The following CRIM1 variants were observed in gnomAD, a reference collection of about 807,000 sequenced individuals.
The protein encoded by CRIM1 is cysteine rich transmembrane BMP regulator 1, also known as cysteine-rich motor neuron 1 protein.
In CRIM1, 32 loss-of-function variants were observed where a neutral mutation model predicts 116.4. The observed-to-expected ratio is 0.27, with a 90% CI of 0.21 to 0.37. CRIM1 has a LOEUF of 0.37. Ranked by LOEUF, CRIM1 falls within the 10% of genes least tolerant of loss-of-function variation. The probability of loss-of-function intolerance (pLI) is 1.00; values close to 1 mark genes in which losing one functional copy is unlikely to be tolerated. For missense variants in CRIM1, 1,331 were observed against 1,354.8 expected (o/e 0.98, Z 0.28); for synonymous variants, 590 against 509.2 (o/e 1.16, Z -2.13).
chr2:36,480,791 C>G (rs1572838726), intron 7 of CRIM1, among the ~76,000 whole-genome samples: 1 of 152,148 alleles, frequency 6.6e-6, no homozygotes, highest in Non-Finnish European at 1.5e-5. Flanking sequence ...AGCTGCCACA[C>G]TCCAGAACTT....
intron 7 of CRIM1, among the ~76,000 whole-genome samples, chr2:36,487,027 T>G (rs1679872501): frequency 6.6e-6 from 1 of 152,240 alleles, no homozygotes; most frequent in South Asian, 2.1e-4. Flanking sequence ...CAACCATTGA[T>G]AAATAGCAGA....
At chr2:36,391,350 G>A (rs1309701629) in intron 1 of CRIM1, among the ~76,000 whole-genome samples, 3 of 151,058 alleles carry the variant, frequency 2.0e-5, no homozygotes, top group Non-Finnish European at 4.4e-5. Context: ...GGATGGTCTC[G>A]ATCTCCTGAC....
At chr2:36,536,957 C>T (rs1666595218) in intron 13 of CRIM1, among the ~76,000 whole-genome samples, 1 of 152,068 alleles carries the variant, frequency 6.6e-6, no homozygotes, top group Non-Finnish European at 1.5e-5. Flanking sequence ...CTGCTAGTTC[C>T]TTGTGATGTT....
intron 7 of CRIM1, among the ~76,000 whole-genome samples, chr2:36,496,406 A>C (rs990906954): frequency 6.6e-6 from 1 of 152,146 alleles, no homozygotes. Context: ...TTAAATATTG[A>C]GGGTATAAAA....
rs1045045932 is a variant in CRIM1, at chr2:36,543,794, A to G, written c.2624-582A>G. Among the ~76,000 whole-genome samples, 70 of 152,102 alleles carry G rather than the reference A, an allele frequency of 4.6e-4. 1 individual carries two copies. Among genetic ancestry groups the G allele is most frequent in the Admixed American group, 7.9e-4 (12 of 15,270 alleles). Reference sequence around the variant, plus strand: ...TCTGATCAAACTGGATAATGTAAATATATTTACTGAAGATCAGCTTCTAAT... The same window carrying G: ...TCTGATCAAACTGGATAATGTAAATGTATTTACTGAAGATCAGCTTCTAAT... On this transcript the variant is annotated intron_variant, in intron 14 of 16. Coordinates refer to ENST00000280527, the MANE Select transcript of CRIM1 (RefSeq NM_016441.3).
At chr2:36,495,043 C>G (rs1680483656) in intron 7 of CRIM1, among the ~76,000 whole-genome samples, 1 of 152,070 alleles carries the variant, frequency 6.6e-6, no homozygotes, top group South Asian at 2.1e-4. Flanking sequence ...ACATTTCTAC[C>G]AAGCTAGTTT....
At chr2:36,389,357 A>G (rs1473869255) in intron 1 of CRIM1, among the ~76,000 whole-genome samples, 1 of 152,156 alleles carries the variant, frequency 6.6e-6, no homozygotes, top group African/African-American at 2.4e-5. Context: ...AAGAGCAGCG[A>G]TTTTACATTA....
chr2:36,468,276 T>TA (rs768095752), intron 5 of CRIM1, among the ~76,000 whole-genome samples: 13 of 152,238 alleles, frequency 8.5e-5, no homozygotes, highest in Non-Finnish European at 1.6e-4. Context: ...AGTGAAAACA[T>TA]ACAATTTTAA....
At chr2:36,485,824 A>G (rs1224706962) in intron 7 of CRIM1, among the ~76,000 whole-genome samples, 1 of 152,248 alleles carries the variant, frequency 6.6e-6, no homozygotes, top group Non-Finnish European at 1.5e-5. Context: ...TAGTAAGCCA[A>G]GAATAATAAA....
intron 5 of CRIM1, among the ~76,000 whole-genome samples, chr2:36,473,835 CT>C (rs1471722935): frequency 6.6e-6 from 1 of 152,042 alleles, no homozygotes; most frequent in African/African-American, 2.4e-5. Flanking sequence ...GTTTATAGTG[CT>C]TTTTTGTGGG....
At chr2:36,488,515 CT>C (rs1257003311) in intron 7 of CRIM1, among the ~76,000 whole-genome samples, 1 of 152,206 alleles carries the variant, frequency 6.6e-6, no homozygotes, top group Admixed American at 6.5e-5. Flanking sequence ...ATTTGATGTG[CT>C]TTGAGCAATA....
At chr2:36,373,182 G>A (rs1670059085) in intron 1 of CRIM1, among the ~76,000 whole-genome samples, 1 of 152,168 alleles carries the variant, frequency 6.6e-6, no homozygotes, top group African/African-American at 2.4e-5. Context: ...AATCGAGGGT[G>A]TGGGTAAAGG....
At chr2:36,385,858 T>C (rs1412789636) in intron 1 of CRIM1, among the ~76,000 whole-genome samples, 3 of 152,190 alleles carry the variant, frequency 2.0e-5, no homozygotes, top group Admixed American at 6.5e-5. Context: ...GGAGAGTGCT[T>C]ATTCCAGTGT....
intron 1 of CRIM1, among the ~76,000 whole-genome samples, chr2:36,357,958 A>C (rs1271360482): frequency 6.6e-6 from 1 of 152,224 alleles, no homozygotes; most frequent in Non-Finnish European, 1.5e-5. Context: ...CTAAATACGC[A>C]CAGACACACA....
At chr2:36,396,489 GC>G (rs1672037430) in intron 1 of CRIM1, 124 bp from the exon 2 acceptor site, 3 of 576,398 alleles carry the variant, frequency 5.2e-6, no homozygotes, top group Non-Finnish European at 6.0e-6. Context: ...CAGCCAGACT[GC>G]CTTTCACAAA....
chr2:36,521,692 G>A (rs192777126), intron 12 of CRIM1, among the ~76,000 whole-genome samples: 1 of 152,260 alleles, frequency 6.6e-6, no homozygotes, highest in East Asian at 1.9e-4. Context: ...AAATCCCTTC[G>A]TTAGCCATTA....
chr2:36,548,931 A>T lies in CRIM1; in HGVS notation c.*230A>T. ...GTTTTCTTAGAACCAAAGTTTTTAA[A>T]GTTGCTAAGATATATTTGCCTGTAA... On this transcript the variant is annotated 3_prime_UTR_variant, in exon 17 of 17. Transcript: ENST00000280527. 3.3e-6 allele frequency: 1 copy of T among 302,194 alleles called. No individual in the cohort carries two copies. Among genetic ancestry groups the T allele is most frequent in the Non-Finnish European group, 6.1e-6 (1 of 164,070 alleles). 18.7% of individuals were successfully genotyped at this position (302,194 alleles called of 1,614,324 possible).
chr2:36,356,299 T>A lies in CRIM1; in HGVS notation c.7T>A (p.Leu3Met). 1 of 1,526,914 alleles carries A rather than the reference T, an allele frequency of 6.5e-7. No individual in the cohort carries two copies. The highest frequency in any genetic ancestry group is 1.3e-5 in the South Asian group (1 of 79,766). 94.6% of individuals were successfully genotyped at this position (1,526,914 alleles called of 1,614,324 possible). The change falls in exon 1 of 17, where the codon TTG becomes ATG. Residue 3 changes from leucine to methionine, a missense_variant. Physicochemically the swap from Leu to Met is conservative, Grantham distance 15. Around this residue, in one of 3 missense-constraint regions of CRIM1, gnomAD observed 690 missense variants for 676.0 expected, o/e 1.02. Transcript: ENST00000280527. This position sits in a 1 kb window ranked among gnomAD's most constrained non-coding sequence, Gnocchi z 4.3. MYLVAGDRGLAGC... is the reference protein window; with the variant it reads MYMVAGDRGLAGC... ...GCGGCGGCGGCGCAGGAGGATGTAC[T>A]TGGTGGCGGGGGACAGGGGGTTGGC...
intron 7 of CRIM1, among the ~76,000 whole-genome samples, chr2:36,488,090 T>C (rs563353471): frequency 6.6e-6 from 1 of 152,338 alleles, no homozygotes; most frequent in Non-Finnish European, 1.5e-5. Flanking sequence ...AAAAACAGAA[T>C]GATTTCACAT....
Sources: gnomAD v4.1 joint callset for allele counts (sites outside exome capture counted in the v4.1 genomes callset) on GRCh38, gnomAD v4.1.1 for gene constraint, gnomAD v4.1.1 regional missense constraint, Gnocchi (gnomAD v3.1) non-coding constraint, MANE v1.5 for transcripts, NCBI Gene and HGNC (gene_info 2026-07-23, HGNC 2026-07-21) for gene names.